ARB2A: variants seen among roughly 807,000 people sequenced by gnomAD.
The protein encoded by ARB2A is ARB2 cotranscriptional regulator A, also known as cotranscriptional regulator ARB2A.
chr5:93,786,812 G>C, the ARB2A span, among the ~76,000 whole-genome samples: 4 of 152,096 alleles, frequency 2.6e-5, no homozygotes, highest in Non-Finnish European at 4.4e-5. Context: ...GAAAAATACT[G>C]GAGACAGGCA....
the ARB2A span, chr5:93,620,491 G>T: frequency 6.6e-6 from 1 of 151,880 alleles, no homozygotes; most frequent in Admixed American, 6.6e-5. Flanking sequence ...AAAAAAAAGA[G>T]GTGGGTAATA....
the ARB2A span, among the ~76,000 whole-genome samples, chr5:93,878,691 A>G: frequency 6.6e-6 from 1 of 152,066 alleles, no homozygotes; most frequent in African/African-American, 2.4e-5. Context: ...TAAACATTTA[A>G]GAAACAGAGT....
chr5:93,764,736 C>G, the ARB2A span, among the ~76,000 whole-genome samples: 1 of 152,018 alleles, frequency 6.6e-6, no homozygotes, highest in African/African-American at 2.4e-5. Flanking sequence ...GGCAGAGACA[C>G]AACAAAAAAA....
At chr5:93,759,976 C>T in the ARB2A span, among the ~76,000 whole-genome samples, 15 of 152,160 alleles carry the variant, frequency 9.9e-5, no homozygotes, top group Admixed American at 1.3e-4. Context: ...GCTAACAATA[C>T]GAGTGTTTAC....
chr5:93,962,304 G>A, the ARB2A span, among the ~76,000 whole-genome samples: 31 of 152,158 alleles, frequency 2.0e-4, no homozygotes, highest in African/African-American at 4.6e-4. Flanking sequence ...AATAAACTAC[G>A]TGAAAATTTG....
chr5:94,036,019 A>T, the ARB2A span, among the ~76,000 whole-genome samples: 7 of 151,078 alleles, frequency 4.6e-5, no homozygotes, highest in South Asian at 1.3e-3. Flanking sequence ...AAATAAAATT[A>T]AAAAAAACAG....
the ARB2A span, among the ~76,000 whole-genome samples, chr5:93,730,775 T>A: frequency 6.6e-6 from 1 of 152,168 alleles, no homozygotes; most frequent in Non-Finnish European, 1.5e-5. Context: ...AATTTAAGAA[T>A]CATATCTCTA....
the ARB2A span, chr5:93,733,649 G>A: frequency 2.0e-5 from 3 of 151,994 alleles, no homozygotes; most frequent in African/African-American, 7.3e-5. Flanking sequence ...ATTTGTTTAC[G>A]TTATTTTGCC....
the ARB2A span, chr5:93,881,339 A>G: frequency 1.6e-6 from 1 of 644,856 alleles, no homozygotes; most frequent in East Asian, 2.9e-5. Context: ...TAATCCAAGT[A>G]GACGACTATG....
the ARB2A span, among the ~76,000 whole-genome samples, chr5:93,817,229 CA>C: frequency 1.3e-5 from 2 of 152,014 alleles, no homozygotes; most frequent in Non-Finnish European, 2.9e-5. Flanking sequence ...TAAACAATTT[CA>C]GTTAGAATAG....
the ARB2A span, among the ~76,000 whole-genome samples, chr5:93,954,297 T>C: frequency 2.0e-5 from 3 of 151,966 alleles, no homozygotes; most frequent in Admixed American, 6.6e-5. Context: ...CTGGTATCAC[T>C]GGTGGTTAGT....
At chr5:93,668,832 C>T in the ARB2A span, among the ~76,000 whole-genome samples, 1 of 152,104 alleles carries the variant, frequency 6.6e-6, no homozygotes, top group African/African-American at 2.4e-5. Context: ...GATCATCAGA[C>T]CATGAAAGAG....
the ARB2A span, among the ~76,000 whole-genome samples, chr5:93,928,289 G>C: frequency 6.6e-6 from 1 of 152,140 alleles, no homozygotes; most frequent in Non-Finnish European, 1.5e-5. Flanking sequence ...TAGTTTGATT[G>C]AAGTATTTGT....
chr5:93,822,264 C>CA, the ARB2A span, among the ~76,000 whole-genome samples: 6 of 152,140 alleles, frequency 3.9e-5, no homozygotes, highest in Non-Finnish European at 7.3e-5. Flanking sequence ...TGTTCTGAAA[C>CA]ATCTGTGTGC....
At chr5:93,976,772 A>G in the ARB2A span, among the ~76,000 whole-genome samples, 1 of 152,156 alleles carries the variant, frequency 6.6e-6, no homozygotes, top group Admixed American at 6.5e-5. Context: ...AAGTGTGAGA[A>G]TGGACTACTA....
chr5:93,910,423 G>GA, the ARB2A span, among the ~76,000 whole-genome samples: 4 of 150,824 alleles, frequency 2.7e-5, no homozygotes, highest in African/African-American at 9.7e-5. Context: ...AAAATGTTCA[G>GA]AAAAAAATCT....
chr5:93,774,378 G>T, the ARB2A span, among the ~76,000 whole-genome samples: 1 of 152,226 alleles, frequency 6.6e-6, no homozygotes, highest in East Asian at 1.9e-4. Flanking sequence ...CGTGTCAAAA[G>T]CCAAGATGGG....
the ARB2A span, chr5:93,683,734 C>G: frequency 1.9e-6 from 3 of 1,607,980 alleles, no homozygotes; most frequent in African/African-American, 4.0e-5. Flanking sequence ...GCGGCACGCA[C>G]TTAGGTAGGA....
chr5:94,019,629 C>A, the ARB2A span, among the ~76,000 whole-genome samples: 1 of 152,162 alleles, frequency 6.6e-6, no homozygotes, highest in Non-Finnish European at 1.5e-5. Context: ...AGTCAAGAAA[C>A]AACAGATCCT....
Sources: gnomAD v4.1 joint callset for allele counts (sites outside exome capture counted in the v4.1 genomes callset) on GRCh38, gnomAD v4.1.1 for gene constraint, MANE v1.5 for transcripts, NCBI Gene and HGNC (gene_info 2026-07-23, HGNC 2026-07-21) for gene names.